The following PCYT1B variants were observed in gnomAD, a reference collection of about 807,000 sequenced individuals.
PCYT1B encodes the protein phosphate cytidylyltransferase 1B, choline, also known as choline-phosphate cytidylyltransferase B.
PCYT1B carries 10 observed loss-of-function variants against 26.4 expected under a neutral mutation model. The observed-to-expected ratio is 0.38, with a 90% confidence interval of 0.23 to 0.64. The LOEUF (loss-of-function observed/expected upper bound fraction) is 0.64. Among genes scored for constraint, PCYT1B ranks in the 30% least tolerant of loss-of-function variants. The probability of loss-of-function intolerance (pLI) is 0.56; values close to 1 mark genes in which losing one functional copy is unlikely to be tolerated. For missense variants in PCYT1B, 161 were observed against 292.7 expected (o/e 0.55, Z 3.28); for synonymous variants, 131 against 108.4 (o/e 1.21, Z -1.29).
rs1227502689 is a variant in PCYT1B, at chrX:24,560,317, A to T, written c.*1976T>A. 1 of 111,425 alleles carries T rather than the reference A, an allele frequency of 9.0e-6. No homozygotes were observed. The highest frequency in any genetic ancestry group is 3.3e-5 in the African/African-American group (1 of 30,592). The allele number at this position is 111,425 out of a possible 1,213,427, so 9.2% of individuals were successfully genotyped here. Reference sequence around the variant, plus strand: ...CACCTTCCCTTGCCTGGCTGGCCTCATCCTTCACTGCTACAAGTGCCAACT... The same window carrying T: ...CACCTTCCCTTGCCTGGCTGGCCTCTTCCTTCACTGCTACAAGTGCCAACT... On this transcript the variant is annotated 3_prime_UTR_variant, in exon 8 of 8. Coordinates refer to ENST00000379144, the MANE Select transcript of PCYT1B (RefSeq NM_004845.5).
chrX:24,654,349 C>T (rs1297313856), intron 1 of PCYT1B, among the ~76,000 whole-genome samples: 2 of 102,947 alleles, frequency 1.9e-5, no homozygotes, highest in East Asian at 6.4e-4. Context: ...CCTTGTGATC[C>T]GCCTGCCTCG....
chrX:24,577,387 G>A (rs769638215), intron 6 of PCYT1B, among the ~76,000 whole-genome samples: 1 of 112,220 alleles, frequency 8.9e-6, no homozygotes, highest in African/African-American at 3.2e-5. Flanking sequence ...TTTTGAAAAT[G>A]GCTTGACATG....
Position 24,561,802 on chromosome X carries a change from T to C in PCYT1B, c.*491A>G. 1 of 354,581 alleles carries C rather than the reference T, an allele frequency of 2.8e-6. No individual in the cohort carries two copies. The highest frequency in any genetic ancestry group is 4.5e-5 in the Admixed American group (1 of 22,286). 29.2% of individuals were successfully genotyped at this position (354,581 alleles called of 1,213,427 possible). A position where few individuals can be genotyped will look rare whatever the true frequency, so the allele number is the denominator to read the frequency against. The stretch of plus-strand genomic sequence containing the variant: ...TGGCTGGACTGAGGAGGTTGGAATC[T>C]GTCTTTTTCTCGACTATTTCAGAAG... On this transcript the variant is annotated 3_prime_UTR_variant, in exon 8 of 8. Coordinates refer to ENST00000379144, the MANE Select transcript of PCYT1B (RefSeq NM_004845.5).
chrX:24,590,262 A>G, intron 3 of PCYT1B, 88 bp from the exon 4 acceptor site: 1 of 830,307 alleles, frequency 1.2e-6, no homozygotes, highest in Non-Finnish European at 1.7e-6. Context: ...CTTCAGCAGG[A>G]CAAAAGAAGC....
At chrX:24,592,702 C>T (rs1227336373) in intron 3 of PCYT1B, among the ~76,000 whole-genome samples, 1 of 111,525 alleles carries the variant, frequency 9.0e-6, no homozygotes, top group Non-Finnish European at 1.9e-5. Context: ...CCAAAGTCCT[C>T]CAGTGGCTGA....
At chrX:24,595,859 C>A (rs1411908762) in intron 3 of PCYT1B, among the ~76,000 whole-genome samples, 1 of 97,640 alleles carries the variant, frequency 1.0e-5, no homozygotes, top group East Asian at 3.1e-4. Context: ...TCAGTCTGGG[C>A]GAGAGAGTGA....
At chrX:24,602,584 C>A (rs751707932) in intron 3 of PCYT1B, among the ~76,000 whole-genome samples, 1 of 110,819 alleles carries the variant, frequency 9.0e-6, no homozygotes, top group East Asian at 2.8e-4. Context: ...CAGGCTGGGG[C>A]AGGATATTCA....
intron 2 of PCYT1B, among the ~76,000 whole-genome samples, chrX:24,608,240 A>G (rs781772826): frequency 6.1e-4 from 68 of 111,207 alleles, no homozygotes; most frequent in African/African-American, 2.1e-3. Context: ...TGGGTGTGGC[A>G]GTCCTGAATG....
At chrX:24,641,561 AG>A (rs1458667525) in intron 1 of PCYT1B, among the ~76,000 whole-genome samples, 1 of 112,305 alleles carries the variant, frequency 8.9e-6, no homozygotes, top group African/African-American at 3.2e-5. Context: ...TGATCCTAAC[AG>A]GGCTGGACAA....
intron 1 of PCYT1B, among the ~76,000 whole-genome samples, chrX:24,634,211 G>A (rs968095066): frequency 2.9e-4 from 32 of 111,904 alleles, no homozygotes; most frequent in Non-Finnish European, 6.0e-4. Flanking sequence ...GAGCCATGAC[G>A]CCTGGCCTTC....
At chrX:24,616,306 C>T (rs1360212201) in intron 2 of PCYT1B, among the ~76,000 whole-genome samples, 2 of 100,852 alleles carry the variant, frequency 2.0e-5, no homozygotes, top group East Asian at 3.2e-4. Context: ...GGTGCGATCT[C>T]GGCTCACTGC....
intron 7 of PCYT1B, among the ~76,000 whole-genome samples, chrX:24,566,356 A>G (rs1431615604): frequency 2.7e-5 from 3 of 112,151 alleles, no homozygotes; most frequent in Non-Finnish European, 3.8e-5. Context: ...TTCTTAAATA[A>G]TATTTCATCA....
Position 24,562,384 on chromosome X carries a change from C to T in PCYT1B, c.1019G>A (p.Trp340Ter). The T allele has an allele frequency of 1.7e-6, 2 of 1,184,624 alleles. No individual in the cohort carries two copies. The highest frequency in any genetic ancestry group is 2.3e-6 in the Non-Finnish European group (2 of 882,900). The change falls in exon 8 of 8, where the codon TGG becomes TAG. Residue 340 changes from tryptophan to a stop codon, truncating the protein, a stop_gained. Transcript: ENST00000379144. LOFTEE classifies it high-confidence loss of function. ...PSRSPSPTFS[W>*]LPLKTSPPSS... ...AGGGGGTGAGGTTTTGAGTGGAAGC[C>T]ATGAGAAGGTGGGCGATGGGGAGCG...
chrX:24,593,455 CTTTTCT>C, intron 3 of PCYT1B, among the ~76,000 whole-genome samples: 1 of 8,482 alleles, frequency 1.2e-4, no homozygotes, highest in African/African-American at 9.1e-4. Context: ...CTTTTCTTTT[CTTTTCT>C]TTTCTTTTCT....
At chrX:24,622,866 G>A (rs1454206408) in intron 1 of PCYT1B, among the ~76,000 whole-genome samples, 1 of 111,829 alleles carries the variant, frequency 8.9e-6, no homozygotes, top group African/African-American at 3.2e-5. Flanking sequence ...ATGATTTCCT[G>A]ATAGAGAAGG....
Position 24,558,302 on chromosome X carries a change from G to C in PCYT1B, c.*3991C>G, listed in dbSNP as rs577993148. The stretch of plus-strand genomic sequence containing the variant: ...TCTTATATGTACAGCATAGTCTTAA[G>C]TATGTATGCTCTACTTATGGCTTTG... On this transcript the variant is annotated 3_prime_UTR_variant, in exon 8 of 8. Transcript: ENST00000379144. The C allele has an allele frequency of 8.9e-6, 1 of 112,179 alleles. No individual in the cohort carries two copies. The highest frequency in any genetic ancestry group is 3.3e-5 in the African/African-American group (1 of 30,763). The allele number at this position is 112,179 out of a possible 1,213,427, so 9.2% of individuals were successfully genotyped here. A position where few individuals can be genotyped will look rare whatever the true frequency, so the allele number is the denominator to read the frequency against.
intron 7 of PCYT1B, among the ~76,000 whole-genome samples, chrX:24,572,264 G>GCA (rs199723149): frequency 0.48 from 48,526 of 100,831 alleles, 9,476 homozygotes; most frequent in East Asian, 0.59. Flanking sequence ...ACACACGCGC[G>GCA]CGCACACACA....
Position 24,647,332 on chromosome X carries a change from A to G in PCYT1B, c.-227T>C. ...GGCAAGGCCTCAGTTTATCACTATA[A>G]CAACCAGACGACACTGAAGCGGCTG... On this transcript the variant is annotated 5_prime_UTR_variant, in exon 1 of 8. Transcript: ENST00000379144. 1 of 962,229 alleles carries G rather than the reference A, an allele frequency of 1.0e-6. No individual in the cohort carries two copies. Among genetic ancestry groups the G allele is most frequent in the Non-Finnish European group, 1.3e-6 (1 of 760,031 alleles). 79.3% of individuals were successfully genotyped at this position (962,229 alleles called of 1,213,427 possible). A position where few individuals can be genotyped will look rare whatever the true frequency, so the allele number is the denominator to read the frequency against.
At chrX:24,663,045 C>A (rs1272774423) in intron 1 of PCYT1B, among the ~76,000 whole-genome samples, 1 of 111,811 alleles carries the variant, frequency 8.9e-6, no homozygotes, top group Non-Finnish European at 1.9e-5. Context: ...CTAGATGAAG[C>A]AAGATGGGTC....
Sources: gnomAD v4.1 joint callset for allele counts (sites outside exome capture counted in the v4.1 genomes callset) on GRCh38, gnomAD v4.1.1 for gene constraint, MANE v1.5 for transcripts, NCBI Gene and HGNC (gene_info 2026-07-23, HGNC 2026-07-21) for gene names.